Variants in RNF19A observed in about 807,000 individuals in gnomAD.
RNF19A encodes the protein E3 ubiquitin-protein ligase RNF19A.
In RNF19A, 32 loss-of-function variants were observed where a neutral mutation model predicts 75.7. The ratio of observed to expected loss-of-function variants is 0.42; its 90% CI spans 0.32 to 0.57. The LOEUF (loss-of-function observed/expected upper bound fraction) is 0.57. RNF19A is among the 20% of genes least tolerant of loss of function. The pLI is 0.10. For synonymous variants in RNF19A, 335 were observed against 345.2 expected, an observed-to-expected ratio of 0.97 and a Z score of 0.33; for missense variants, 782 against 1,036.3, an observed-to-expected ratio of 0.75 and a Z score of 3.37.
At chr8:100,313,995 C>G (rs1221882774), upstream of RNF19A, among the ~76,000 whole-genome samples, 2 of 148,144 alleles carry the variant, frequency 1.4e-5, no homozygotes, top group Non-Finnish European at 3.0e-5. Context: ...AATCTTCCCC[C>G]CTCAGCCTCA....
At chr8:100,302,315 G>A (rs1347305151) in intron 1 of RNF19A, among the ~76,000 whole-genome samples, 5 of 152,184 alleles carry the variant, frequency 3.3e-5, no homozygotes. Context: ...AAGGTGTTGA[G>A]GACATGTTTT....
Position 100,257,236 on chromosome 8 carries a change from C to T in RNF19A, c.*1320G>A, listed in dbSNP as rs1781933413. ...GGTAGGGAAAAGTGATGGAAGAAGA[C>T]TGCAGCCCATGGCATTTTTCTTTTT... On this transcript the variant is annotated 3_prime_UTR_variant, in exon 10 of 10. Coordinates refer to ENST00000341084, the MANE Select transcript of RNF19A (RefSeq NM_183419.4). 1 of 152,618 alleles carries T rather than the reference C, an allele frequency of 6.6e-6. No individual in the cohort carries two copies. The highest frequency in any genetic ancestry group is 2.4e-5 in the African/African-American group (1 of 41,440). The allele number at this position is 152,618 out of a possible 1,614,324, so 9.5% of individuals were successfully genotyped here.
upstream of RNF19A, chr8:100,310,178 G>T: frequency 1.0e-6 from 1 of 985,282 alleles, no homozygotes; most frequent in Non-Finnish European, 1.2e-6. Context: ...CCCCGCCCCA[G>T]CGCGCCGCCC....
upstream of RNF19A, chr8:100,312,473 G>A (rs1158085774): frequency 6.6e-6 from 1 of 152,446 alleles, no homozygotes; most frequent in Admixed American, 6.5e-5. Flanking sequence ...TGCAGTCCCA[G>A]CTACTCCAGG....
chr8:100,271,083 T>A (rs953589597), intron 3 of RNF19A, among the ~76,000 whole-genome samples: 7 of 152,110 alleles, frequency 4.6e-5, no homozygotes, highest in Admixed American at 1.3e-4. Context: ...CTACAAGTTT[T>A]ATGGTCAAAC....
chr8:100,296,098 TTC>T (rs1821546114), intron 1 of RNF19A, among the ~76,000 whole-genome samples: 1 of 152,174 alleles, frequency 6.6e-6, no homozygotes, highest in South Asian at 2.1e-4. Flanking sequence ...ATTCTTTTTT[TTC>T]TTTTTTTCCT....
chr8:100,313,440 T>A (rs1252905213), upstream of RNF19A: 1 of 300,644 alleles, frequency 3.3e-6, no homozygotes, highest in East Asian at 1.8e-4. Flanking sequence ...GACGCAAAGG[T>A]CTTAGCCAGA....
chr8:100,272,020 G>GA (rs569947753), intron 3 of RNF19A, among the ~76,000 whole-genome samples: 3 of 152,020 alleles, frequency 2.0e-5, no homozygotes, highest in African/African-American at 7.3e-5. Flanking sequence ...GTCATATTAA[G>GA]AAAAAACAAC....
chr8:100,309,165 AC>A (rs1463207567), intron 1 of RNF19A: 1 of 272,866 alleles, frequency 3.7e-6, no homozygotes, highest in African/African-American at 2.3e-5. Flanking sequence ...GGCTGGGAAC[AC>A]CCTAAAGGCT....
intron 1 of RNF19A, among the ~76,000 whole-genome samples, chr8:100,321,900 T>C (rs191209078): frequency 1.3e-5 from 2 of 152,342 alleles, no homozygotes; most frequent in Non-Finnish European, 2.9e-5. Flanking sequence ...GCTTAAAATA[T>C]TCAGTAAACC....
rs987700910 is a variant in RNF19A, at chr8:100,284,697, A to C, written c.674+2804T>G. 6.6e-6 allele frequency among the ~76,000 whole-genome samples: 1 copy of C among 152,124 alleles called. No individual in the cohort carries two copies. The highest frequency in any genetic ancestry group is 2.4e-5 in the African/African-American group (1 of 41,462). ...TGAGCCATTTTACTTTTTAACAATG[A>C]AGTCTCAATGAGAAGAAAATGTGCC... On this transcript the variant is annotated intron_variant, in intron 2 of 9. Coordinates refer to ENST00000341084, the MANE Select transcript of RNF19A (RefSeq NM_183419.4). The surrounding 1 kb of genome is among the most constrained non-coding windows in gnomAD (Gnocchi z 4.3).
chr8:100,303,824 G>A (rs563965552), intron 1 of RNF19A, among the ~76,000 whole-genome samples: 15 of 150,676 alleles, frequency 1.0e-4, no homozygotes, highest in African/African-American at 3.7e-4. Context: ...TGTAATCCCA[G>A]CTACTGGCAG....
At chr8:100,290,743 A>G (rs1231002823) in intron 1 of RNF19A, among the ~76,000 whole-genome samples, 3 of 152,246 alleles carry the variant, frequency 2.0e-5, no homozygotes, top group East Asian at 3.8e-4. Context: ...CACAGAGCAC[A>G]CTTACACAAA....
chr8:100,273,946 C>G (rs1474546380), intron 3 of RNF19A, among the ~76,000 whole-genome samples: 3 of 152,062 alleles, frequency 2.0e-5, no homozygotes, highest in Admixed American at 1.3e-4. Flanking sequence ...CCACGCCCAG[C>G]TAATTTTTGT....
At chr8:100,278,454 G>C (rs963406336) in intron 2 of RNF19A, among the ~76,000 whole-genome samples, 1 of 152,144 alleles carries the variant, frequency 6.6e-6, no homozygotes, top group South Asian at 2.1e-4. Flanking sequence ...TAAATGTCCA[G>C]TATGTTGCAA....
intron 1 of RNF19A, among the ~76,000 whole-genome samples, chr8:100,291,906 T>C (rs751491336): frequency 6.7e-6 from 1 of 150,072 alleles, no homozygotes; most frequent in African/African-American, 2.4e-5. Context: ...AAAATAAGCA[T>C]GCAATAAAAA....
chr8:100,273,267 A>G (rs1332727438), intron 3 of RNF19A, among the ~76,000 whole-genome samples: 1 of 152,214 alleles, frequency 6.6e-6, no homozygotes, highest in East Asian at 1.9e-4. Context: ...TTCGGCTAAA[A>G]GCATTTGGTA....
chr8:100,298,153 C>A (rs182857070), intron 1 of RNF19A, among the ~76,000 whole-genome samples: 1 of 149,928 alleles, frequency 6.7e-6, no homozygotes, highest in African/African-American at 2.5e-5. Context: ...GTATACTCAT[C>A]TGAGAAGATA....
Position 100,261,437 on chromosome 8 carries a change from A to G in RNF19A, c.1682+105T>C. 2 of 994,042 alleles carry G rather than the reference A, an allele frequency of 2.0e-6. No individual in the cohort carries two copies. The highest frequency in any genetic ancestry group is 2.5e-5 in the East Asian group (1 of 40,424). 61.6% of individuals were successfully genotyped at this position (994,042 alleles called of 1,614,324 possible). On this transcript the variant is annotated intron_variant, in intron 8 of 9. Transcript: ENST00000341084. This position sits in a 1 kb window ranked among gnomAD's most constrained non-coding sequence, Gnocchi z 4.4. ...TAACATTACTATTTTGAACCTTGAC[A>G]TAGTAGGGTTATATATAATCATCAT...
Sources: gnomAD v4.1 joint callset for allele counts (sites outside exome capture counted in the v4.1 genomes callset) on GRCh38, gnomAD v4.1.1 for gene constraint, Gnocchi (gnomAD v3.1) non-coding constraint, MANE v1.5 for transcripts, NCBI Gene and HGNC (gene_info 2026-07-23, HGNC 2026-07-21) for gene names.